Variants in RAB28 observed in about 807,000 individuals in gnomAD.
The protein encoded by RAB28 is RAB28, member RAS oncogene family, also known as ras-related protein Rab-28.
In RAB28, 24 loss-of-function variants were observed where a neutral mutation model predicts 31.7. That is an observed-to-expected ratio of 0.76 (90% confidence interval 0.55 to 1.06). The LOEUF is 1.06. Ranked by LOEUF, RAB28 falls within the 50% of genes least tolerant of loss-of-function variation. The pLI is 0.00. For missense variants in RAB28, 254 were observed against 258.5 expected (o/e 0.98, Z 0.12); for synonymous variants, 100 against 90.4 (o/e 1.11, Z -0.60).
intron 4 of RAB28, among the ~76,000 whole-genome samples, chr4:13,420,308 A>G (rs560071804): frequency 1.3e-5 from 2 of 152,212 alleles, no homozygotes; most frequent in Non-Finnish European, 2.9e-5. Flanking sequence ...ACGGATTCAC[A>G]GCCAAATTCT....
intron 4 of RAB28, among the ~76,000 whole-genome samples, chr4:13,456,732 C>T (rs1037131503): frequency 2.0e-5 from 3 of 147,658 alleles, no homozygotes; most frequent in African/African-American, 8.1e-5. Flanking sequence ...AATAACTGTA[C>T]ATTTTTAAGA....
chr4:13,461,508 T>C (rs1715590764), intron 3 of RAB28, among the ~76,000 whole-genome samples: 1 of 152,180 alleles, frequency 6.6e-6, no homozygotes, highest in Non-Finnish European at 1.5e-5. Context: ...TCATAGTTGT[T>C]GATTCTTCCC....
intron 5 of RAB28, among the ~76,000 whole-genome samples, chr4:13,380,233 A>C (rs1260688259): frequency 6.6e-6 from 1 of 152,174 alleles, no homozygotes; most frequent in Non-Finnish European, 1.5e-5. Flanking sequence ...TACCAAAAGA[A>C]AGAATAAACC....
At position 13,368,561 on chromosome 4, in the gene RAB28, C is replaced by A; in HGVS notation, c.663G>T (p.Gln221His). 2 of 1,605,628 alleles carry A rather than the reference C, an allele frequency of 1.2e-6. No individual in the cohort carries two copies. The highest frequency in any genetic ancestry group is 1.1e-5 in the South Asian group (1 of 90,018). ...TCAACACAAAAGAAAAATGCGCTCACTGAACTGCACACATAGAGCTTCTAG... is the reference window on the plus strand; with the variant it reads ...TCAACACAAAAGAAAAATGCGCTCAATGAACTGCACACATAGAGCTTCTAG... ...NPPRSSMCAV[Q>H] is the part of the protein sequence containing the mutation. The change falls in exon 7 of 7, where the codon CAG (glutamine) becomes CAT (histidine). Residue 221 changes from glutamine to histidine, a missense_variant. Coordinates refer to ENST00000330852, the MANE Select transcript of RAB28 (RefSeq NM_001017979.3).
intron 4 of RAB28, among the ~76,000 whole-genome samples, chr4:13,383,425 T>C (rs1255372285): frequency 6.6e-6 from 1 of 152,180 alleles, no homozygotes; most frequent in African/African-American, 2.4e-5. Context: ...AACAAAAGTT[T>C]TTTTCCTAAC....
chr4:13,444,800 C>T (rs1714613430), intron 4 of RAB28, among the ~76,000 whole-genome samples: 1 of 152,126 alleles, frequency 6.6e-6, no homozygotes, highest in South Asian at 2.1e-4. Context: ...TTAAGGTCAT[C>T]CAATCCCAGT....
intron 4 of RAB28, among the ~76,000 whole-genome samples, chr4:13,446,594 C>G (rs1291819990): frequency 1.3e-5 from 2 of 152,184 alleles, no homozygotes; most frequent in Non-Finnish European, 2.9e-5. Flanking sequence ...CTTCCCTAGG[C>G]TGGGGGAGGG....
intron 4 of RAB28, among the ~76,000 whole-genome samples, chr4:13,409,318 T>A (rs1712288088): frequency 6.6e-6 from 1 of 152,172 alleles, no homozygotes; most frequent in African/African-American, 2.4e-5. Context: ...AAAAGATAAG[T>A]CTTAGGCGGT....
chr4:13,420,497 G>A (rs1713067752), intron 4 of RAB28, among the ~76,000 whole-genome samples: 1 of 151,980 alleles, frequency 6.6e-6, no homozygotes, highest in Non-Finnish European at 1.5e-5. Flanking sequence ...ACATCCACGT[G>A]AAAATCCTCA....
chr4:13,418,444 A>G (rs934922418), intron 4 of RAB28, among the ~76,000 whole-genome samples: 2 of 152,172 alleles, frequency 1.3e-5, no homozygotes, highest in Non-Finnish European at 2.9e-5. Context: ...CCCAAGACAC[A>G]TAATTGTCAG....
chr4:13,389,376 T>G (rs182405538), intron 4 of RAB28, among the ~76,000 whole-genome samples: 81 of 152,246 alleles, frequency 5.3e-4, no homozygotes, highest in Non-Finnish European at 4.6e-4. Context: ...TTCTGAAGAT[T>G]TGTTTCACAA....
chr4:13,396,509 G>A (rs1729879155), intron 4 of RAB28, among the ~76,000 whole-genome samples: 1 of 151,946 alleles, frequency 6.6e-6, no homozygotes, highest in Non-Finnish European at 1.5e-5. Context: ...AATTGCTAAT[G>A]CAAGAAAATA....
intron 4 of RAB28, among the ~76,000 whole-genome samples, chr4:13,413,867 T>C (rs1012240686): frequency 1.3e-5 from 2 of 152,164 alleles, no homozygotes; most frequent in African/African-American, 4.8e-5. Context: ...TTCCAAAATA[T>C]AGAAGACAAG....
chr4:13,447,697 C>G (rs545092301), intron 4 of RAB28, among the ~76,000 whole-genome samples: 5 of 152,048 alleles, frequency 3.3e-5, no homozygotes, highest in African/African-American at 9.6e-5. Flanking sequence ...AGTGAGAATT[C>G]AATAAATCCA....
intron 4 of RAB28, among the ~76,000 whole-genome samples, chr4:13,430,250 C>T (rs1410276943): frequency 6.6e-6 from 1 of 152,068 alleles, no homozygotes; most frequent in Non-Finnish European, 1.5e-5. Flanking sequence ...GATGTCAGTT[C>T]TCCTCAGAGA....
At chr4:13,371,883 T>A (rs1272530910) in intron 6 of RAB28, 15 of 1,520,200 alleles carry the variant, frequency 9.9e-6, no homozygotes, top group Non-Finnish European at 1.2e-5. Flanking sequence ...AGGAAAAGAG[T>A]TATATGGGTG....
At chr4:13,474,519 A>C (rs1345505708) in intron 2 of RAB28, 113 bp from the exon 3 acceptor site, 5 of 598,178 alleles carry the variant, frequency 8.4e-6, no homozygotes, top group Non-Finnish European at 1.4e-5. Context: ...CTCTGAGCCC[A>C]ATTTGCCTTT....
chr4:13,468,268 G>A (rs1715960829), intron 3 of RAB28, among the ~76,000 whole-genome samples: 2 of 151,852 alleles, frequency 1.3e-5, no homozygotes, highest in Non-Finnish European at 2.9e-5. Context: ...ATAGACTACG[G>A]TATTCATTAG....
intron 6 of RAB28, among the ~76,000 whole-genome samples, chr4:13,375,931 A>C (rs866250004): frequency 2.0e-4 from 31 of 152,076 alleles, no homozygotes; most frequent in Admixed American, 5.9e-4. Flanking sequence ...ATTGAGCAAA[A>C]ATGTAATTAG....
Sources: allele counts gnomAD v4.1 joint callset (sites outside exome capture counted in the v4.1 genomes callset), GRCh38; gene constraint gnomAD v4.1.1; transcripts MANE v1.5; gene names NCBI Gene and HGNC (gene_info 2026-07-23, HGNC 2026-07-21).